RADIL: variants seen among roughly 807,000 people sequenced by gnomAD.
RADIL encodes Rap associating with DIL domain.
RADIL carries 99 observed loss-of-function variants against 97.6 expected under a neutral mutation model. The ratio of observed to expected loss-of-function variants is 1.01; its 90% CI spans 0.86 to 1.20. The LOEUF (loss-of-function observed/expected upper bound fraction) is 1.20, where lower values mean the gene tolerates loss of function less well. RADIL is among the 50% of genes most tolerant of loss of function. The pLI is 0.00. For synonymous variants in RADIL, 803 were observed against 691.8 expected (o/e 1.16, Z -2.52); for missense variants, 1,765 against 1,498.9 (o/e 1.18, Z -2.93).
Position 4,835,110 on chromosome 7 carries a change from G to A in RADIL, c.913C>T (p.Leu305Phe), listed in dbSNP as rs1783258705. Residue 305 changes from leucine (L) to phenylalanine (F), a missense_variant, in exon 4 of 15, where the codon CTC (leucine) becomes TTC (phenylalanine). Physicochemically the swap from Leu to Phe is conservative, Grantham distance 22. Coordinates refer to ENST00000399583, the MANE Select transcript of RADIL (RefSeq NM_018059.5). This position sits in a 1 kb window ranked among gnomAD's most constrained non-coding sequence, Gnocchi z 5.8. ...PLHCTIRRQP[L>F]PDSGQAAGRL... ...CCCGCGGCCTGGCCGCTGTCCGGGA[G>A]CGGTTGCCGGCGGATGGTGCAGTGT... The A allele has an allele frequency of 6.2e-7, 1 of 1,608,464 alleles. No homozygotes were observed. Among genetic ancestry groups the A allele is most frequent in the Non-Finnish European group, 8.5e-7 (1 of 1,177,932 alleles).
At chr7:4,804,318 G>T (rs1234364335) in intron 10 of RADIL, among the ~76,000 whole-genome samples, 1 of 152,258 alleles carries the variant, frequency 6.6e-6, no homozygotes, top group Non-Finnish European at 1.5e-5. Flanking sequence ...GACTTAGAAG[G>T]TGTCAGGTGG....
intron 2 of RADIL, among the ~76,000 whole-genome samples, chr7:4,844,794 G>C (rs1347588262): frequency 6.6e-6 from 1 of 152,082 alleles, no homozygotes; most frequent in Non-Finnish European, 1.5e-5. Flanking sequence ...TATAGAGACA[G>C]GGTCTCACTA....
chr7:4,827,925 C>A (rs988181808), intron 5 of RADIL, among the ~76,000 whole-genome samples: 2 of 150,026 alleles, frequency 1.3e-5, no homozygotes, highest in African/African-American at 5.0e-5. Flanking sequence ...CAAAAAAAAA[C>A]GTAGACCAGT....
rs539013274 is a variant in RADIL, at chr7:4,804,995, G to A, written c.2290+571C>T. 2.0e-4 allele frequency among the ~76,000 whole-genome samples: 30 copies of A among 152,234 alleles called. No homozygotes were observed. In the East Asian group the frequency reaches 4.3e-3, roughly 22 times the overall value. On this transcript the variant is annotated intron_variant, in intron 10 of 14. Coordinates refer to ENST00000399583, the MANE Select transcript of RADIL (RefSeq NM_018059.5). ...TGTAATCCCAGCTACTAGGGAGGCTGAGGTAGGAGAATCGCTTGAACCTGG... is the reference window on the plus strand; with the variant it reads ...TGTAATCCCAGCTACTAGGGAGGCTAAGGTAGGAGAATCGCTTGAACCTGG...
chr7:4,807,184 A>G (rs1251428233), intron 9 of RADIL, among the ~76,000 whole-genome samples: 1 of 151,578 alleles, frequency 6.6e-6, no homozygotes, highest in African/African-American at 2.4e-5. Context: ...GCCCATATCC[A>G]GGGGCCTGGG....
chr7:4,866,742 G>A (rs1784139825), intron 2 of RADIL, among the ~76,000 whole-genome samples: 1 of 152,180 alleles, frequency 6.6e-6, no homozygotes, highest in Admixed American at 6.5e-5. Context: ...TCAGTGCTAT[G>A]GTTTGGATGG....
In RADIL at chr7:4,822,846, A is replaced by G. The variant is rs886590463; in HGVS notation, c.1455-292T>C. Among the ~76,000 whole-genome samples, 20 of 152,094 alleles carry G rather than the reference A, an allele frequency of 1.3e-4. No individual in the cohort carries two copies. The highest frequency in any genetic ancestry group is 4.3e-4 in the African/African-American group (18 of 41,422). On this transcript the variant is annotated intron_variant, in intron 5 of 14. Transcript: ENST00000399583. This position sits in a 1 kb window ranked among gnomAD's most constrained non-coding sequence, Gnocchi z 5.3. ...ATGGCTTGCATGTCTTCTCTTTTGGAATGAGATCATAAAGTGGCTGTGAAT... is the reference window on the plus strand; with the variant it reads ...ATGGCTTGCATGTCTTCTCTTTTGGGATGAGATCATAAAGTGGCTGTGAAT...
chr7:4,869,537 CT>C (rs11355907), intron 2 of RADIL, among the ~76,000 whole-genome samples: 49,772 of 146,100 alleles, frequency 0.34, 8,649 homozygotes, highest in African/African-American at 0.45. Context: ...ACCCAATTTC[CT>C]TTTTTTTTTT....
rs1781982273 is a variant in RADIL at position 4,798,660 on chromosome 7, G to A, written c.*718C>T. The A allele has an allele frequency of 6.6e-6, 1 of 152,402 alleles. No homozygotes were observed. Among genetic ancestry groups the A allele is most frequent in the African/African-American group, 2.4e-5 (1 of 41,472 alleles). The allele number at this position is 152,402 out of a possible 1,614,324, so 9.4% of individuals were successfully genotyped here. ...AGGGGGACGCTGGTGAGGATTAAGG[G>A]CCTGGGGCCGCCAGCCTGGTATCAG... On this transcript the variant is annotated 3_prime_UTR_variant, in exon 15 of 15. Coordinates refer to ENST00000399583, the MANE Select transcript of RADIL (RefSeq NM_018059.5).
intron 9 of RADIL, among the ~76,000 whole-genome samples, chr7:4,807,074 C>A (rs959651621): frequency 6.6e-6 from 1 of 152,172 alleles, no homozygotes; most frequent in Admixed American, 6.5e-5. Flanking sequence ...CCTCTGCTGG[C>A]TCTTTCTGGA....
intron 9 of RADIL, among the ~76,000 whole-genome samples, chr7:4,807,956 T>C (rs1424875469): frequency 1.2e-4 from 7 of 56,498 alleles, no homozygotes; most frequent in African/African-American, 8.1e-4. Flanking sequence ...TCTCCCTCCC[T>C]GTCTCTCTCC....
chr7:4,800,347 C>T (rs955244174), intron 12 of RADIL, 37 bp from the exon 13 acceptor site: 57 of 1,414,782 alleles, frequency 4.0e-5, no homozygotes, highest in African/African-American at 4.5e-5. Context: ...GGGAGTGAGG[C>T]GCCAGGAATC....
intron 2 of RADIL, among the ~76,000 whole-genome samples, chr7:4,866,120 G>C (rs1274331965): frequency 1.3e-5 from 2 of 152,132 alleles, no homozygotes; most frequent in East Asian, 1.9e-4. Flanking sequence ...GATTATATCT[G>C]TGTGTGTGCG....
At chr7:4,845,130 C>CT (rs747366584) in intron 2 of RADIL, among the ~76,000 whole-genome samples, 3 of 151,964 alleles carry the variant, frequency 2.0e-5, no homozygotes, top group Non-Finnish European at 4.4e-5. Flanking sequence ...CTAAAGAAAG[C>CT]TAATGTAGGC....
intron 2 of RADIL, chr7:4,860,771 G>C: frequency 3.7e-6 from 6 of 1,614,186 alleles, no homozygotes; most frequent in Non-Finnish European, 5.1e-6. Context: ...GTGTGTGATA[G>C]CAAGCCCCTG....
In RADIL at chr7:4,798,197, AGCCAGGCGCAAT is replaced by A. The variant is rs1477837103; in HGVS notation, c.*1169_*1180del. ...GAACCTGGCAGTGGTCGCCGTTTCG[AGCCAGGCGCAAT>A]GCGGAGCCGCACACAGAACTGCGGG... On this transcript the variant is annotated 3_prime_UTR_variant, in exon 15 of 15. Coordinates refer to ENST00000399583, the MANE Select transcript of RADIL (RefSeq NM_018059.5). The A allele has an allele frequency of 3.3e-5, 5 of 151,468 alleles. No individual in the cohort carries two copies. The highest frequency in any genetic ancestry group is 7.4e-5 in the Non-Finnish European group (5 of 67,896). The allele number at this position is 151,468 out of a possible 1,614,324, so 9.4% of individuals were successfully genotyped here.
In RADIL at chr7:4,859,800, G is replaced by A. The variant is rs537493369; in HGVS notation, c.535+17805C>T. 3 of 711,312 alleles carry A rather than the reference G, an allele frequency of 4.2e-6. No homozygotes were observed. In the South Asian group the frequency reaches 5.7e-5, roughly 13 times the overall value. 44.1% of individuals were successfully genotyped at this position (711,312 alleles called of 1,614,324 possible). ...AAGATGCTGTCTGAATTTTTCTAATGGAGTTGTACTTGTCTTTGTATTGAG... is the reference window on the plus strand; with the variant it reads ...AAGATGCTGTCTGAATTTTTCTAATAGAGTTGTACTTGTCTTTGTATTGAG... On this transcript the variant is annotated intron_variant, in intron 2 of 14. Transcript: ENST00000399583.
At chr7:4,802,394 G>A (rs1362628879) in intron 11 of RADIL, among the ~76,000 whole-genome samples, 6 of 137,836 alleles carry the variant, frequency 4.4e-5, no homozygotes, top group Admixed American at 3.6e-4. Flanking sequence ...GTACCTCGGG[G>A]CACGCTGGCT....
At chr7:4,808,472 C>A in intron 9 of RADIL, 3 of 592,156 alleles carry the variant, frequency 5.1e-6, no homozygotes, top group Non-Finnish European at 6.4e-6. Context: ...GCCAGCGAGG[C>A]CTATTTTTAT....
Sources: gnomAD v4.1 joint callset for allele counts (sites outside exome capture counted in the v4.1 genomes callset) on GRCh38, gnomAD v4.1.1 for gene constraint, Gnocchi (gnomAD v3.1) non-coding constraint, MANE v1.5 for transcripts, NCBI Gene and HGNC (gene_info 2026-07-23, HGNC 2026-07-21) for gene names.